The following SRGAP2 variants were observed in gnomAD, a reference collection of about 807,000 sequenced individuals.
The protein encoded by SRGAP2 is SLIT-ROBO Rho GTPase-activating protein 2.
In SRGAP2, 15 loss-of-function variants were observed where a neutral mutation model predicts 57.2. The ratio of observed to expected loss-of-function variants is 0.26; its 90% CI spans 0.18 to 0.40. SRGAP2 has a LOEUF of 0.40. SRGAP2 is among the 10% of genes least tolerant of loss of function. The probability of loss-of-function intolerance (pLI) is 1.00; values close to 1 mark genes in which losing one functional copy is unlikely to be tolerated. For synonymous variants in SRGAP2, 249 were observed against 248.0 expected (o/e 1.00, Z -0.04); for missense variants, 520 against 669.6 (o/e 0.78, Z 2.47).
chr1:206,249,365 G>A (rs1668697770), intron 2 of SRGAP2, among the ~76,000 whole-genome samples: 1 of 152,138 alleles, frequency 6.6e-6, no homozygotes, highest in African/African-American at 2.4e-5. Flanking sequence ...ATGATAGACT[G>A]GATAAAGAAA....
chr1:206,302,393 A>G (rs1671922762), intron 2 of SRGAP2, among the ~76,000 whole-genome samples: 1 of 151,964 alleles, frequency 6.6e-6, no homozygotes, highest in South Asian at 2.1e-4. Flanking sequence ...GCAGTTCCAG[A>G]GAGAGTGTTT....
At chr1:206,418,888 C>CTGTGTGTGTG (rs1159940831) in intron 11 of SRGAP2, among the ~76,000 whole-genome samples, 64 of 136,640 alleles carry the variant, frequency 4.7e-4, no homozygotes, top group Non-Finnish European at 7.6e-4. Flanking sequence ...CCAACTCTCT[C>CTGTGTGTGTG]TGTGTGTGTG....
At chr1:206,281,949 G>A (rs1670765814) in intron 2 of SRGAP2, among the ~76,000 whole-genome samples, 1 of 151,190 alleles carries the variant, frequency 6.6e-6, no homozygotes, top group South Asian at 2.1e-4. Flanking sequence ...TTCTTTGTTG[G>A]AACCTGTAAC....
At chr1:206,412,807 A>G (rs1553360088) in intron 10 of SRGAP2, among the ~76,000 whole-genome samples, 1 of 152,202 alleles carries the variant, frequency 6.6e-6, no homozygotes, top group East Asian at 1.9e-4. Context: ...TCTCATATGG[A>G]TAAGTGCTGA....
intron 4 of SRGAP2, among the ~76,000 whole-genome samples, chr1:206,347,083 C>T (rs1332441852): frequency 1.4e-5 from 2 of 146,900 alleles, no homozygotes; most frequent in Non-Finnish European, 3.0e-5. Context: ...CTCTACCTCC[C>T]TCCCCCACTT....
intron 2 of SRGAP2, among the ~76,000 whole-genome samples, chr1:206,252,356 AGT>A (rs1668893055): frequency 6.6e-6 from 1 of 151,986 alleles, no homozygotes; most frequent in Non-Finnish European, 1.5e-5. Context: ...TTTAGAAATA[AGT>A]GTGAGTCCAC....
intron 10 of SRGAP2, among the ~76,000 whole-genome samples, chr1:206,411,860 G>T (rs187765303): frequency 6.6e-6 from 1 of 152,318 alleles, no homozygotes; most frequent in East Asian, 1.9e-4. Context: ...ACAAAGCAAA[G>T]ATGCTTAGGG....
Position 206,454,808 on chromosome 1 carries a change from C to T in SRGAP2, c.2361-70C>T, listed in dbSNP as rs1407933362. 3.3e-5 allele frequency: 23 copies of T among 687,618 alleles called. No homozygotes were observed. Among genetic ancestry groups the T allele is most frequent in the East Asian group, 5.0e-5 (2 of 40,082 alleles). The allele number at this position is 687,618 out of a possible 1,614,324, so 42.6% of individuals were successfully genotyped here. A position where few individuals can be genotyped will look rare whatever the true frequency, so the allele number is the denominator to read the frequency against. On this transcript the variant is annotated intron_variant, in intron 20 of 22. Transcript: ENST00000573034. The surrounding 1 kb of genome is among the most constrained non-coding windows in gnomAD (Gnocchi z 4.3). Reference sequence around the variant, plus strand: ...CGTGTATGTCGGGGGGCCATCTTGCCGATTTAACGCTGCTTTTTGTGTTGT... The same window carrying T: ...CGTGTATGTCGGGGGGCCATCTTGCTGATTTAACGCTGCTTTTTGTGTTGT...
intron 4 of SRGAP2, among the ~76,000 whole-genome samples, chr1:206,354,673 A>G (rs1158572763): frequency 6.6e-6 from 1 of 152,160 alleles, no homozygotes; most frequent in Non-Finnish European, 1.5e-5. Context: ...ATTCTTTCCA[A>G]TGTATGGTTG....
rs150354224 is a variant in SRGAP2, at chr1:206,434,113, T to C, written c.1556-2852T>C. 5.8e-3 allele frequency among the ~76,000 whole-genome samples: 890 copies of C among 152,296 alleles called. 11 individuals carry two copies. The highest frequency in any genetic ancestry group is 0.021 in the African/African-American group (857 of 41,566). ...AACCTGTGTCAGTCTTGAAAGAGTC[T>C]GTGGCCCACTGAATGCTGGGGATTT... is the stretch of plus-strand genomic sequence containing the variant. On this transcript the variant is annotated intron_variant, in intron 14 of 22. Coordinates refer to ENST00000573034, the MANE Select transcript of SRGAP2 (RefSeq NM_015326.5).
At chr1:206,386,755 T>C (rs1553348659) in intron 5 of SRGAP2, among the ~76,000 whole-genome samples, 4 of 137,616 alleles carry the variant, frequency 2.9e-5, no homozygotes, top group South Asian at 2.4e-4. Context: ...GCCGAGATCG[T>C]GCCACTGCAC....
rs782611082 is a variant in SRGAP2, at chr1:206,453,254, G to A, written c.2234G>A (p.Arg745Gln). Residue 745 changes from arginine to glutamine, a missense_variant, in exon 20 of 23, where the codon CGA (arginine) becomes CAA (glutamine). Transcript: ENST00000573034. ...TTTGACTACGTGGGCCGGACAGCCC[G>A]AGAGCTATCCTTTAAGAAGGGAGCA... ...AKFDYVGRTA[R>Q]ELSFKKGASL... 15 of 734,670 alleles carry A rather than the reference G, an allele frequency of 2.0e-5. No individual in the cohort carries two copies. Among genetic ancestry groups the A allele is most frequent in the Non-Finnish European group, 2.8e-5 (11 of 393,666 alleles). The allele number at this position is 734,670 out of a possible 1,614,324, so 45.5% of individuals were successfully genotyped here.
At chr1:206,444,057 G>A (rs1456839331) in intron 17 of SRGAP2, among the ~76,000 whole-genome samples, 2 of 152,142 alleles carry the variant, frequency 1.3e-5, no homozygotes, top group Admixed American at 1.3e-4. Context: ...AGGCGTGGTG[G>A]TGCACGCCTG....
At chr1:206,378,690 T>C (rs1240050168) in intron 4 of SRGAP2, among the ~76,000 whole-genome samples, 1 of 152,032 alleles carries the variant, frequency 6.6e-6, no homozygotes, top group Non-Finnish European at 1.5e-5. Context: ...GCTAAAGGAT[T>C]GTAAAGGCAC....
chr1:206,370,480 T>C (rs1337015782), intron 4 of SRGAP2, among the ~76,000 whole-genome samples: 1 of 152,084 alleles, frequency 6.6e-6, no homozygotes, highest in Non-Finnish European at 1.5e-5. Context: ...ACATTGTAAG[T>C]GAAAGAAGCT....
At chr1:206,222,917 G>GT (rs1553305004) in intron 2 of SRGAP2, among the ~76,000 whole-genome samples, 1 of 149,860 alleles carries the variant, frequency 6.7e-6, no homozygotes, top group East Asian at 2.0e-4. Flanking sequence ...GGGATTACAG[G>GT]TGCGTGCCAC....
chr1:206,248,277 G>A (rs1184213315), intron 2 of SRGAP2, among the ~76,000 whole-genome samples: 14 of 152,198 alleles, frequency 9.2e-5, no homozygotes, highest in Admixed American at 2.6e-4. Flanking sequence ...AATATTTGTC[G>A]CTGTATTTTA....
intron 18 of SRGAP2, 123 bp downstream of exon 18, chr1:206,446,422 T>C: frequency 1.5e-6 from 1 of 685,364 alleles, no homozygotes; most frequent in Non-Finnish European, 2.7e-6. Context: ...ACTCCCAGGC[T>C]GCTAGGGTCT....
At chr1:206,298,583 A>C (rs1671711537) in intron 2 of SRGAP2, among the ~76,000 whole-genome samples, 1 of 152,112 alleles carries the variant, frequency 6.6e-6, no homozygotes, top group South Asian at 2.1e-4. Flanking sequence ...AAGGTTGAGC[A>C]ACAATCATCA....
Sources: gnomAD v4.1 joint callset for allele counts (sites outside exome capture counted in the v4.1 genomes callset) on GRCh38, gnomAD v4.1.1 for gene constraint, Gnocchi (gnomAD v3.1) non-coding constraint, MANE v1.5 for transcripts, NCBI Gene and HGNC (gene_info 2026-07-23, HGNC 2026-07-21) for gene names.